The following AVEN variants were observed in gnomAD, a reference collection of about 807,000 sequenced individuals.
AVEN encodes cell death regulator Aven.
A neutral mutation model predicts 38.1 loss-of-function variants in AVEN; 41 were observed. That is an observed-to-expected ratio of 1.08 (90% CI 0.84 to 1.40). The LOEUF is 1.40. Among genes scored for constraint, AVEN ranks in the 40% most tolerant of loss-of-function variants. AVEN has a pLI of 0.00. For missense variants in AVEN, 605 were observed against 438.8 expected (o/e 1.38, Z -3.38); for synonymous variants, 206 against 171.8 (o/e 1.20, Z -1.56).
intron 11 of AVEN, chr15:33,859,866 G>C: frequency 1.0e-6 from 1 of 965,888 alleles, no homozygotes. Context: ...AACTAATTTA[G>C]CATCTACTAT....
intron 2 of AVEN, among the ~76,000 whole-genome samples, chr15:33,906,192 G>C (rs917211553): frequency 2.0e-5 from 3 of 152,206 alleles, no homozygotes; most frequent in Non-Finnish European, 4.4e-5. Context: ...TATGTGGAAT[G>C]GGTGGAGGGA....
intron 1 of AVEN, among the ~76,000 whole-genome samples, chr15:34,038,428 A>G (rs1899257977): frequency 6.6e-6 from 1 of 152,038 alleles, no homozygotes; most frequent in Non-Finnish European, 1.5e-5. Flanking sequence ...CCATAGTGGT[A>G]CTCGTACAGA....
chr15:33,970,869 G>T (rs1445237470), intron 2 of AVEN, among the ~76,000 whole-genome samples: 3 of 151,886 alleles, frequency 2.0e-5, no homozygotes, highest in Non-Finnish European at 4.4e-5. Context: ...GACAATGGCT[G>T]GGCAAATGAA....
At chr15:34,068,482 C>T (rs1426271382) in intron 2 of AVEN, among the ~76,000 whole-genome samples, 3 of 152,096 alleles carry the variant, frequency 2.0e-5, no homozygotes, top group Non-Finnish European at 4.4e-5. Context: ...GCTGAGATTG[C>T]AGGCAGGAAC....
intron 4 of AVEN, chr15:34,064,022 CAA>C (rs1900442022): frequency 6.2e-7 from 1 of 1,614,020 alleles, no homozygotes; most frequent in African/African-American, 1.3e-5. Flanking sequence ...TGGTCCTAGT[CAA>C]AGAGAGGAAA....
At chr15:33,866,157 T>C (rs1312036057), downstream of AVEN, 1 of 173,024 alleles carries the variant, frequency 5.8e-6, no homozygotes, top group Admixed American at 5.5e-5. Context: ...CTACAACCAC[T>C]CTGTGACTGC....
chr15:33,855,935 C>G (rs916565813), downstream of AVEN: 2 of 152,164 alleles, frequency 1.3e-5, no homozygotes, highest in Admixed American at 6.5e-5. Flanking sequence ...CTGTGTATGA[C>G]AGACAGGCTT....
At chr15:33,853,394 T>C in the AVEN span, among the ~76,000 whole-genome samples, 1 of 152,220 alleles carries the variant, frequency 6.6e-6, no homozygotes, top group Non-Finnish European at 1.5e-5. Flanking sequence ...TCTTCATTGC[T>C]TTTTTCTCTG....
Position 33,866,528 on chromosome 15 carries a change from A to G in AVEN, c.*85T>C. On this transcript the variant is annotated 3_prime_UTR_variant, in exon 6 of 6. Transcript: ENST00000306730. Reference sequence around the variant, plus strand: ...ACACTAGCTTGAGACATGCTTGTAAACTGGCTGGTCCTGAAGGACAGCCTT... The same window carrying G: ...ACACTAGCTTGAGACATGCTTGTAAGCTGGCTGGTCCTGAAGGACAGCCTT... The G allele has an allele frequency of 1.1e-6, 1 of 945,250 alleles. No homozygotes were observed. 58.6% of individuals were successfully genotyped at this position (945,250 alleles called of 1,614,324 possible).
chr15:33,890,316 C>G (rs1891885176), intron 2 of AVEN, among the ~76,000 whole-genome samples: 1 of 152,166 alleles, frequency 6.6e-6, no homozygotes, highest in Non-Finnish European at 1.5e-5. Context: ...TATTACTACT[C>G]TTGTGACTGG....
intron 2 of AVEN, among the ~76,000 whole-genome samples, chr15:33,917,858 G>A (rs979400223): frequency 9.9e-5 from 15 of 152,136 alleles, no homozygotes; most frequent in Non-Finnish European, 2.2e-4. Context: ...TGGGTACAGT[G>A]TACACTACTC....
chr15:33,880,957 A>G (rs1264295656), intron 2 of AVEN, among the ~76,000 whole-genome samples: 1 of 152,242 alleles, frequency 6.6e-6, no homozygotes. Flanking sequence ...ATGTTAGAGA[A>G]AAATGAGTTA....
At chr15:33,945,658 TCA>T (rs1231187043) in intron 2 of AVEN, among the ~76,000 whole-genome samples, 3 of 152,150 alleles carry the variant, frequency 2.0e-5, no homozygotes, top group African/African-American at 7.2e-5. Context: ...CAATCTCAGC[TCA>T]CTGCAACCTC....
At chr15:33,865,341 A>AAAAAAAAAACTGCTGAAAATCTGTGCT, downstream of AVEN, 1 of 614,934 alleles carries the variant, frequency 1.6e-6, no homozygotes, top group South Asian at 2.6e-5. Flanking sequence ...TGCCTCCCTT[A>AAAAAAAAAACTGCTGAAAATCTGTGCT]AAAAAAAAAC....
At chr15:33,893,951 AT>A (rs11463061) in intron 2 of AVEN, among the ~76,000 whole-genome samples, 1,984 of 142,308 alleles carry the variant, frequency 0.014, 38 homozygotes, top group African/African-American at 0.048. Flanking sequence ...TGATGCCAAG[AT>A]TTTTTTTTTT....
At chr15:33,883,977 T>C (rs1478145294) in intron 2 of AVEN, among the ~76,000 whole-genome samples, 1 of 152,224 alleles carries the variant, frequency 6.6e-6, no homozygotes, top group African/African-American at 2.4e-5. Context: ...AGCCATTTAA[T>C]GGCTAGACAC....
intron 2 of AVEN, among the ~76,000 whole-genome samples, chr15:33,993,887 G>A (rs1016549511): frequency 6.6e-6 from 1 of 152,128 alleles, no homozygotes; most frequent in African/African-American, 2.4e-5. Flanking sequence ...TCATACTAAC[G>A]AATTCTGTGG....
intron 3 of AVEN, among the ~76,000 whole-genome samples, chr15:33,873,776 T>C (rs1891105079): frequency 6.6e-6 from 1 of 152,202 alleles, no homozygotes. Context: ...CTGCTCTTAT[T>C]TTTTTCCATT....
chr15:34,060,018 G>A (rs1459975306), intron 5 of AVEN, among the ~76,000 whole-genome samples: 2 of 152,174 alleles, frequency 1.3e-5, no homozygotes, highest in East Asian at 1.9e-4. Flanking sequence ...AGGAGAAAGC[G>A]ATTTCCACAG....
Sources: allele counts gnomAD v4.1 joint callset (sites outside exome capture counted in the v4.1 genomes callset), GRCh38; gene constraint gnomAD v4.1.1; transcripts MANE v1.5; gene names NCBI Gene and HGNC (gene_info 2026-07-23, HGNC 2026-07-21).